DLG2: variants seen among roughly 807,000 people sequenced by gnomAD.
DLG2 encodes the protein discs large MAGUK scaffold protein 2, also known as disks large homolog 2.
DLG2 carries 45 observed loss-of-function variants against 132.5 expected under a neutral mutation model. The ratio of observed to expected loss-of-function variants is 0.34; its 90% CI spans 0.27 to 0.44. The LOEUF is 0.44. DLG2 is among the 20% of genes least tolerant of loss of function. The probability of loss-of-function intolerance (pLI) is 1.00; values close to 1 mark genes in which losing one functional copy is unlikely to be tolerated. For missense variants in DLG2, 1,045 were observed against 1,196.9 expected (o/e 0.87, Z 1.87); for synonymous variants, 424 against 419.6 (o/e 1.01, Z -0.13).
intron 7 of DLG2, among the ~76,000 whole-genome samples, chr11:84,524,201 C>T (rs1433602241): frequency 6.6e-6 from 1 of 152,172 alleles, no homozygotes; most frequent in Non-Finnish European, 1.5e-5. Context: ...ACAGGTGGCC[C>T]ATCACTGCAG....
chr11:84,280,470 T>C (rs994006143), intron 7 of DLG2, among the ~76,000 whole-genome samples: 2 of 152,022 alleles, frequency 1.3e-5, no homozygotes, highest in Non-Finnish European at 2.9e-5. Context: ...TGTTTTGCCA[T>C]GTTGGCTAGG....
chr11:83,564,689 A>G (rs1335168651), intron 19 of DLG2, among the ~76,000 whole-genome samples: 1 of 152,186 alleles, frequency 6.6e-6, no homozygotes, highest in Admixed American at 6.5e-5. Flanking sequence ...TTGGTGGGTT[A>G]TCTACTTGTT....
intron 3 of DLG2, among the ~76,000 whole-genome samples, chr11:85,375,572 CA>C (rs759296479): frequency 2.0e-5 from 3 of 152,174 alleles, no homozygotes; most frequent in African/African-American, 2.4e-5. Context: ...TCATTCACAA[CA>C]AAAGTTGTTA....
chr11:83,629,697 G>A (rs566862195), intron 19 of DLG2, among the ~76,000 whole-genome samples: 2 of 152,160 alleles, frequency 1.3e-5, no homozygotes, highest in East Asian at 3.9e-4. Context: ...AGATAAGAAG[G>A]GAAAAGGATA....
chr11:84,039,238 C>T (rs2095978539), intron 11 of DLG2, among the ~76,000 whole-genome samples: 1 of 148,958 alleles, frequency 6.7e-6, no homozygotes, highest in Non-Finnish European at 1.5e-5. Context: ...TATTATTATA[C>T]TTTAAGATTT....
At chr11:83,896,136 T>C (rs2071606149) in intron 15 of DLG2, among the ~76,000 whole-genome samples, 1 of 152,132 alleles carries the variant, frequency 6.6e-6, no homozygotes, top group Non-Finnish European at 1.5e-5. Flanking sequence ...AAAAGGACAA[T>C]ATAAATAATG....
intron 11 of DLG2, among the ~76,000 whole-genome samples, chr11:83,999,195 C>A (rs994188277): frequency 8.5e-5 from 13 of 152,166 alleles, no homozygotes; most frequent in African/African-American, 3.1e-4. Context: ...GACAAGCCTG[C>A]CTGGCCTGGC....
chr11:83,673,565 T>A (rs1366287000), intron 18 of DLG2, among the ~76,000 whole-genome samples: 2 of 152,228 alleles, frequency 1.3e-5, no homozygotes, highest in Non-Finnish European at 2.9e-5. Context: ...CCACTAGCAC[T>A]TTTTTGTTCG....
At chr11:83,813,841 C>T (rs2048059395) in intron 17 of DLG2, among the ~76,000 whole-genome samples, 1 of 152,078 alleles carries the variant, frequency 6.6e-6, no homozygotes, top group Admixed American at 6.6e-5. Flanking sequence ...CGAAATGTTA[C>T]ACTAAACACC....
At position 85,470,319 on chromosome 11, in the gene DLG2, G is replaced by A. The variant is rs542644572; in HGVS notation, c.40+128338C>T. ...ACTAGGACACTCAGAAGAAGCCATA[G>A]CAAAATCATTTTGGATGACAATTTT... On this transcript the variant is annotated intron_variant, in intron 3 of 27. Coordinates refer to ENST00000376104, the MANE Select transcript of DLG2 (RefSeq NM_001142699.3). 7.9e-5 allele frequency among the ~76,000 whole-genome samples: 12 copies of A among 151,966 alleles called. No homozygotes were observed. In the East Asian group the frequency reaches 2.3e-3, roughly 29 times the overall value.
intron 6 of DLG2, among the ~76,000 whole-genome samples, chr11:85,013,360 G>A (rs613315): frequency 0.67 from 102,045 of 152,020 alleles, 35,090 homozygotes; most frequent in East Asian, 0.91. Flanking sequence ...AAGACTTCTG[G>A]TTGCTCTGAA....
intron 9 of DLG2, among the ~76,000 whole-genome samples, chr11:84,157,862 T>C (rs1043277726): frequency 6.6e-6 from 1 of 152,210 alleles, no homozygotes; most frequent in African/African-American, 2.4e-5. Context: ...AAGTGGTTAA[T>C]GCTTTAAACA....
At chr11:84,673,843 CAA>C (rs1455676801) in intron 6 of DLG2, among the ~76,000 whole-genome samples, 1 of 151,726 alleles carries the variant, frequency 6.6e-6, no homozygotes, top group Non-Finnish European at 1.5e-5. Flanking sequence ...GTCAACTACT[CAA>C]AGTCATGCTA....
At chr11:84,353,360 C>G (rs1444159486) in intron 7 of DLG2, among the ~76,000 whole-genome samples, 1 of 152,078 alleles carries the variant, frequency 6.6e-6, no homozygotes, top group African/African-American at 2.4e-5. Flanking sequence ...TGCAGTGTTC[C>G]CTCCCTTGGT....
At chr11:84,706,712 G>C (rs1480024228) in intron 6 of DLG2, among the ~76,000 whole-genome samples, 1 of 141,746 alleles carries the variant, frequency 7.1e-6, no homozygotes, top group Non-Finnish European at 1.6e-5. Context: ...AAGAAGAAAG[G>C]AAGAAAGGAA....
intron 3 of DLG2, among the ~76,000 whole-genome samples, chr11:85,331,117 A>AT (rs2081704388): frequency 6.6e-6 from 1 of 152,140 alleles, no homozygotes; most frequent in Non-Finnish European, 1.5e-5. Context: ...CATTCACTTT[A>AT]TTTTTTCCAA....
intron 4 of DLG2, among the ~76,000 whole-genome samples, chr11:85,179,763 C>T (rs2079563967): frequency 6.6e-6 from 1 of 151,818 alleles, no homozygotes; most frequent in East Asian, 1.9e-4. Flanking sequence ...ATGAACTAAA[C>T]CTATCTATTT....
chr11:84,573,329 A>G (rs1037957639), intron 6 of DLG2, among the ~76,000 whole-genome samples: 1 of 152,224 alleles, frequency 6.6e-6, no homozygotes. Flanking sequence ...TTACAAAATT[A>G]AACTAAAAAG....
intron 6 of DLG2, among the ~76,000 whole-genome samples, chr11:84,555,288 T>G (rs2099409733): frequency 6.6e-6 from 1 of 152,158 alleles, no homozygotes; most frequent in Non-Finnish European, 1.5e-5. Context: ...CAAACCCACT[T>G]CTGGGTATAT....
Sources: allele counts gnomAD v4.1 joint callset (sites outside exome capture counted in the v4.1 genomes callset), GRCh38; gene constraint gnomAD v4.1.1; transcripts MANE v1.5; gene names NCBI Gene and HGNC (gene_info 2026-07-23, HGNC 2026-07-21).